Variants in UBR1 observed in about 807,000 individuals in gnomAD.
The protein encoded by UBR1 is ubiquitin protein ligase E3 component n-recognin 1, also known as E3 ubiquitin-protein ligase UBR1.
UBR1 carries 102 observed loss-of-function variants against 242.1 expected under a neutral mutation model. The observed-to-expected ratio is 0.42, with a 90% CI of 0.36 to 0.50. The LOEUF is 0.50. Among genes scored for constraint, UBR1 ranks in the 20% least tolerant of loss-of-function variants. The pLI is 0.01. For synonymous variants in UBR1, 675 were observed against 684.8 expected, an observed-to-expected ratio of 0.99 and a Z score of 0.22; for missense variants, 1,772 against 2,101.8, an observed-to-expected ratio of 0.84 and a Z score of 3.07.
chr15:42,995,680 C>CA (rs1449437332), intron 33 of UBR1, among the ~76,000 whole-genome samples: 1 of 151,314 alleles, frequency 6.6e-6, no homozygotes, highest in African/African-American at 2.4e-5. Flanking sequence ...AACAAACAAA[C>CA]AAACAAAAAA....
chr15:43,015,771 T>G lies in UBR1; in HGVS notation c.3126A>C (p.Lys1042Asn). The stretch of plus-strand genomic sequence containing the variant: ...TGAGTTTATGAGTTTCAATGAAGTT[T>G]TTCTGTAAGGCAGACATCTGAGCCA... ...KIMAQMSALQKNFIETHKLMY... is the reference protein window; with the variant it reads ...KIMAQMSALQNNFIETHKLMY... Residue 1042 changes from lysine to asparagine, a missense_variant, in exon 29 of 47, where the codon AAA (lysine) becomes AAC (asparagine). By Grantham distance (94) the Lys-to-Asn change is moderately conservative. Transcript: ENST00000290650. The G allele has an allele frequency of 6.2e-7, 1 of 1,614,232 alleles. No homozygotes were observed. Among genetic ancestry groups the G allele is most frequent in the East Asian group, 2.2e-5 (1 of 44,882 alleles).
chr15:43,029,890 G>C (rs549156539), intron 21 of UBR1, 54 bp downstream of exon 21: 1 of 1,607,342 alleles, frequency 6.2e-7, no homozygotes, highest in Admixed American at 1.7e-5. Flanking sequence ...TAAAGAAAAA[G>C]AAACATCTAC....
At chr15:43,096,354 G>T (rs1355546111) in intron 1 of UBR1, among the ~76,000 whole-genome samples, 2 of 152,022 alleles carry the variant, frequency 1.3e-5, no homozygotes, top group Admixed American at 1.3e-4. Context: ...TAGAGATGGG[G>T]TTTCACCATG....
intron 12 of UBR1, among the ~76,000 whole-genome samples, chr15:43,049,518 G>A (rs1046875001): frequency 3.9e-5 from 6 of 152,090 alleles, no homozygotes; most frequent in Non-Finnish European, 7.4e-5. Context: ...AGCCGAGATC[G>A]CAACACTGCA....
intron 32 of UBR1, among the ~76,000 whole-genome samples, chr15:43,001,148 C>CTT (rs773312013): frequency 8.3e-5 from 11 of 131,738 alleles, no homozygotes; most frequent in Admixed American, 2.3e-4. Context: ...TAGAGCAATT[C>CTT]TTTTTTTTTT....
chr15:42,984,005 G>T lies in UBR1; in HGVS notation c.4054-12C>A. 1 of 1,606,532 alleles carries T rather than the reference G, an allele frequency of 6.2e-7. No homozygotes were observed. The highest frequency in any genetic ancestry group is 1.1e-5 in the South Asian group (1 of 90,522). On this transcript the variant is annotated splice_polypyrimidine_tract_variant and intron_variant, in intron 36 of 46. Coordinates refer to ENST00000290650, the MANE Select transcript of UBR1 (RefSeq NM_174916.3). ...TTCAGACCATTATGCTAGATTGTAA[G>T]AGAGAAGGAAGATAAAAAGATGAGG...
rs1263650695 is a variant in UBR1 at position 42,988,916 on chromosome 15, T to C, written c.3900A>G (p.Thr1300=). The C allele has an allele frequency of 1.2e-6, 2 of 1,612,072 alleles. No individual in the cohort carries two copies. Among genetic ancestry groups the C allele is most frequent in the Non-Finnish European group, 1.7e-6 (2 of 1,178,102 alleles). ...IKEMVILFAT[T]IYRIGLKVPP... is the part of the protein sequence containing the mutation. ...GCACTTTCAATCCAATTCTATAAAT[T>C]GTTGTGGCAAAGAGAATAACCATTT... Residue 1300 remains threonine, a synonymous_variant, in exon 35 of 47, where the codon ACA becomes ACG. Coordinates refer to ENST00000290650, the MANE Select transcript of UBR1 (RefSeq NM_174916.3).
intron 6 of UBR1, among the ~76,000 whole-genome samples, chr15:43,063,204 C>T (rs1384602661): frequency 6.6e-6 from 1 of 152,216 alleles, no homozygotes; most frequent in Admixed American, 6.5e-5. Flanking sequence ...TTAGCTGTAG[C>T]TACAGGCCTT....
At chr15:42,963,727 T>C in intron 42 of UBR1, among the ~76,000 whole-genome samples, 1 of 133,974 alleles carries the variant, frequency 7.5e-6, no homozygotes, top group East Asian at 2.3e-4. Flanking sequence ...ATAAAATGAA[T>C]GATAGTTATA....
intron 30 of UBR1, among the ~76,000 whole-genome samples, chr15:43,004,862 C>T (rs923606882): frequency 1.0e-4 from 15 of 150,622 alleles, no homozygotes; most frequent in Non-Finnish European, 2.1e-4. Context: ...GTGAGGAGCC[C>T]CTCTGCCCAG....
intron 39 of UBR1, among the ~76,000 whole-genome samples, chr15:42,973,571 G>C (rs1489529345): frequency 6.6e-6 from 1 of 151,984 alleles, no homozygotes; most frequent in Non-Finnish European, 1.5e-5. Flanking sequence ...TGGGATTACA[G>C]GCATAAACCA....
At chr15:42,993,333 T>G (rs745307939) in intron 33 of UBR1, among the ~76,000 whole-genome samples, 1 of 152,032 alleles carries the variant, frequency 6.6e-6, no homozygotes, top group Non-Finnish European at 1.5e-5. Context: ...TGTGAAAGTA[T>G]GAGGAATTAG....
chr15:42,956,318 AC>A (rs2031920106), intron 44 of UBR1, among the ~76,000 whole-genome samples: 1 of 152,140 alleles, frequency 6.6e-6, no homozygotes, highest in Non-Finnish European at 1.5e-5. Flanking sequence ...GCCTGAGGCA[AC>A]TTTTTTTTTC....
chr15:43,000,678 T>C (rs1428824608), intron 32 of UBR1, among the ~76,000 whole-genome samples: 2 of 152,192 alleles, frequency 1.3e-5, no homozygotes, highest in African/African-American at 4.8e-5. Context: ...GATAATTAAA[T>C]AAGATAATGC....
intron 46 of UBR1, among the ~76,000 whole-genome samples, chr15:42,946,810 T>A (rs2141246217): frequency 6.6e-6 from 1 of 152,286 alleles, no homozygotes; most frequent in African/African-American, 2.4e-5. Flanking sequence ...ATTCTAAATA[T>A]TTTGTTAATG....
chr15:43,043,997 A>G (rs562107465), intron 14 of UBR1, among the ~76,000 whole-genome samples: 25 of 152,340 alleles, frequency 1.6e-4, no homozygotes, highest in Admixed American at 8.5e-4. Flanking sequence ...ATGGGCCCTA[A>G]AAGAATATGC....
At chr15:42,961,785 A>T (rs2032024567) in intron 42 of UBR1, among the ~76,000 whole-genome samples, 1 of 148,938 alleles carries the variant, frequency 6.7e-6, no homozygotes, top group Non-Finnish European at 1.5e-5. Flanking sequence ...GATGGAGTCT[A>T]CCTCTGTTGC....
At chr15:43,087,828 T>C (rs2034056770) in intron 1 of UBR1, among the ~76,000 whole-genome samples, 1 of 152,004 alleles carries the variant, frequency 6.6e-6, no homozygotes, top group Non-Finnish European at 1.5e-5. Context: ...GAATAAATCA[T>C]GGGACATTAT....
At chr15:43,047,468 C>T (rs889861876) in intron 13 of UBR1, among the ~76,000 whole-genome samples, 179 bp from the exon 14 acceptor site, 1 of 152,190 alleles carries the variant, frequency 6.6e-6, no homozygotes, top group African/African-American at 2.4e-5. Flanking sequence ...ACATTAACCG[C>T]AAAGCCCAGC....
Sources: gnomAD v4.1 joint callset for allele counts (sites outside exome capture counted in the v4.1 genomes callset) on GRCh38, gnomAD v4.1.1 for gene constraint, MANE v1.5 for transcripts, NCBI Gene and HGNC (gene_info 2026-07-23, HGNC 2026-07-21) for gene names.